Variants in IRAK1BP1 observed in about 807,000 individuals in gnomAD.
IRAK1BP1 encodes interleukin 1 receptor associated kinase 1 binding protein 1.
IRAK1BP1 carries 24 observed loss-of-function variants against 28.0 expected under a neutral mutation model. The observed-to-expected ratio is 0.86, with a 90% confidence interval of 0.62 to 1.20. The LOEUF is 1.20. Among genes scored for constraint, IRAK1BP1 ranks in the 50% most tolerant of loss-of-function variants. The pLI is 0.00. For synonymous variants in IRAK1BP1, 131 were observed against 116.3 expected (o/e 1.13, Z -0.81); for missense variants, 336 against 316.7 (o/e 1.06, Z -0.46).
chr6:78,936,473 A>G (rs1773275591), intron 4 of IRAK1BP1: 1 of 151,884 alleles, frequency 6.6e-6, no homozygotes, highest in Non-Finnish European at 1.5e-5. Flanking sequence ...TAAAGTAACC[A>G]GCATGTGTGC....
At chr6:78,886,678 A>G (rs193180248) in intron 2 of IRAK1BP1, among the ~76,000 whole-genome samples, 1 of 152,288 alleles carries the variant, frequency 6.6e-6, no homozygotes, top group East Asian at 1.9e-4. Flanking sequence ...ATAATAAGAA[A>G]AAAGAAACAG....
intron 1 of IRAK1BP1, among the ~76,000 whole-genome samples, chr6:78,880,339 A>T (rs1422902152): frequency 6.6e-6 from 1 of 152,224 alleles, no homozygotes; most frequent in African/African-American, 2.4e-5. Flanking sequence ...TTTGAGCATC[A>T]TGTTTGTGCT....
At chr6:78,910,353 A>G (rs1033623488) in intron 4 of IRAK1BP1, among the ~76,000 whole-genome samples, 5 of 152,240 alleles carry the variant, frequency 3.3e-5, no homozygotes, top group African/African-American at 1.2e-4. Context: ...CTGTGTGTCC[A>G]CCATAGTCCA....
the IRAK1BP1 span, among the ~76,000 whole-genome samples, chr6:78,961,034 T>C: frequency 6.6e-6 from 1 of 151,998 alleles, no homozygotes; most frequent in Non-Finnish European, 1.5e-5. Context: ...AAAACAGGAT[T>C]CCATTATTTA....
chr6:78,897,124 A>G (rs1400440486), intron 2 of IRAK1BP1, among the ~76,000 whole-genome samples: 1 of 151,510 alleles, frequency 6.6e-6, no homozygotes, highest in Non-Finnish European at 1.5e-5. Context: ...ATGGTGGTGC[A>G]TGCCTGTAGC....
chr6:78,940,222 A>C (rs1773418068), intron 4 of IRAK1BP1: 1 of 151,914 alleles, frequency 6.6e-6, no homozygotes, highest in African/African-American at 2.4e-5. Flanking sequence ...ATTCACTGCT[A>C]CTCTGTATAA....
intron 4 of IRAK1BP1, among the ~76,000 whole-genome samples, chr6:78,926,365 T>C (rs1186678025): frequency 1.3e-5 from 2 of 152,148 alleles, no homozygotes; most frequent in Non-Finnish European, 2.9e-5. Context: ...ACACATGCAC[T>C]TGTATTTTCA....
chr6:78,972,068 G>C, the IRAK1BP1 span, among the ~76,000 whole-genome samples: 1 of 152,120 alleles, frequency 6.6e-6, no homozygotes, highest in Non-Finnish European at 1.5e-5. Flanking sequence ...CTCCACCTCT[G>C]GGGGCAGGGC....
At chr6:78,870,143 T>G (rs1256834196) in intron 1 of IRAK1BP1, among the ~76,000 whole-genome samples, 4 of 118,082 alleles carry the variant, frequency 3.4e-5, no homozygotes, top group Non-Finnish European at 6.8e-5. Flanking sequence ...AAAAAAAAGA[T>G]GGAGCCTGAC....
At chr6:78,870,635 T>C (rs549662679) in intron 1 of IRAK1BP1, among the ~76,000 whole-genome samples, 1 of 152,204 alleles carries the variant, frequency 6.6e-6, no homozygotes, top group Non-Finnish European at 1.5e-5. Flanking sequence ...GAAAAGTGTT[T>C]TAAAGTTCTA....
At chr6:78,877,353 C>T (rs1771037215) in intron 1 of IRAK1BP1, among the ~76,000 whole-genome samples, 1 of 152,164 alleles carries the variant, frequency 6.6e-6, no homozygotes, top group Non-Finnish European at 1.5e-5. Context: ...ATCTGATTGT[C>T]AACAGGCAAT....
intron 4 of IRAK1BP1, among the ~76,000 whole-genome samples, chr6:78,910,946 G>A (rs549848300): frequency 6.6e-6 from 1 of 152,234 alleles, no homozygotes; most frequent in South Asian, 2.1e-4. Context: ...TACTGGCACC[G>A]GGTCCTGGAC....
downstream of IRAK1BP1, chr6:78,947,764 G>C: frequency 6.2e-7 from 1 of 1,607,644 alleles, no homozygotes; most frequent in East Asian, 2.2e-5. Flanking sequence ...TGTCAATGAT[G>C]TCTCTGTAGT....
intron 4 of IRAK1BP1, among the ~76,000 whole-genome samples, chr6:78,924,655 T>C (rs2127667526): frequency 6.6e-6 from 1 of 152,326 alleles, no homozygotes; most frequent in Non-Finnish European, 1.5e-5. Context: ...TGAACATTGA[T>C]GCAAAAATCC....
At chr6:78,953,257 C>T in the IRAK1BP1 span, among the ~76,000 whole-genome samples, 1 of 152,054 alleles carries the variant, frequency 6.6e-6, no homozygotes, top group Non-Finnish European at 1.5e-5. Flanking sequence ...TACAGTTCTT[C>T]AATATTTCTG....
At chr6:78,928,504 C>T (rs1003496138) in intron 4 of IRAK1BP1, among the ~76,000 whole-genome samples, 2 of 152,058 alleles carry the variant, frequency 1.3e-5, no homozygotes, top group African/African-American at 4.8e-5. Context: ...AATTTGGATG[C>T]CCTTTATTTC....
At chr6:78,940,972 G>C in intron 4 of IRAK1BP1, 2 of 1,613,760 alleles carry the variant, frequency 1.2e-6, no homozygotes, top group African/African-American at 2.7e-5. Flanking sequence ...CAGGGACTAG[G>C]AGATCTGCAT....
chr6:78,946,765 T>C, downstream of IRAK1BP1: 3 of 1,591,718 alleles, frequency 1.9e-6, no homozygotes, highest in Non-Finnish European at 2.6e-6. Flanking sequence ...CTTCCTCCTT[T>C]TGGTTATGGT....
At chr6:78,946,842 G>A (rs766384766), downstream of IRAK1BP1, 12 of 1,578,006 alleles carry the variant, frequency 7.6e-6, no homozygotes, top group Admixed American at 2.0e-4. Flanking sequence ...GTTCTTCAAA[G>A]AAAGCAGACA....
Sources: allele counts gnomAD v4.1 joint callset (sites outside exome capture counted in the v4.1 genomes callset), GRCh38; gene constraint gnomAD v4.1.1; transcripts MANE v1.5; gene names NCBI Gene and HGNC (gene_info 2026-07-23, HGNC 2026-07-21).